Variants in TPCN2 observed in about 807,000 individuals in gnomAD.
TPCN2 encodes the protein two pore channel protein 2.
In TPCN2, 92 loss-of-function variants were observed where a neutral mutation model predicts 111.4. That is an observed-to-expected ratio of 0.83 (90% CI 0.70 to 0.98). The LOEUF (loss-of-function observed/expected upper bound fraction) is 0.98. Among genes scored for constraint, TPCN2 ranks in the 50% least tolerant of loss-of-function variants. The pLI, the probability that TPCN2 is intolerant of heterozygous loss-of-function variation, is 0.00. For missense variants in TPCN2, 995 were observed against 980.1 expected (o/e 1.02, Z -0.20); for synonymous variants, 405 against 414.5 (o/e 0.98, Z 0.28).
At position 69,088,097 on chromosome 11, in the gene TPCN2, A is replaced by G. The variant is rs1275474496; in HGVS notation, c.*144A>G. The G allele has an allele frequency of 1.5e-6, 1 of 678,540 alleles. No individual in the cohort carries two copies. The highest frequency in any genetic ancestry group is 2.4e-6 in the Non-Finnish European group (1 of 409,360). 42.0% of individuals were successfully genotyped at this position (678,540 alleles called of 1,614,324 possible). ...ACGGACCACTAAGCTGGGGACAGGA[A>G]CCAAGTCCTTTGCGTGTGGCCCAAC... On this transcript the variant is annotated 3_prime_UTR_variant, in exon 25 of 25. Coordinates refer to ENST00000294309, the MANE Select transcript of TPCN2 (RefSeq NM_139075.4).
At position 69,081,514 on chromosome 11, in the gene TPCN2, C is replaced by T. The variant is rs1394887386; in HGVS notation, c.1689+15C>T. 8 of 1,528,844 alleles carry T rather than the reference C, an allele frequency of 5.2e-6. No individual in the cohort carries two copies. Among genetic ancestry groups the T allele is most frequent in the Non-Finnish European group, 6.2e-6 (7 of 1,130,978 alleles). The allele number at this position is 1,528,844 out of a possible 1,614,324, so 94.7% of individuals were successfully genotyped here. The stretch of plus-strand genomic sequence containing the variant: ...CCAGCATGAAGGTGTGTGCCGGCCC[C>T]ACCCCCACTCGCCCCACCCTCCTGG... On this transcript the variant is annotated intron_variant, in intron 18 of 24. Transcript: ENST00000294309.
At chr11:69,054,410 T>C (rs112623753) in intron 2 of TPCN2, 5 of 563,838 alleles carry the variant, frequency 8.9e-6, no homozygotes, top group Non-Finnish European at 3.2e-6. Context: ...GGGTCAGCCT[T>C]GCACAGAGAA....
intron 13 of TPCN2, among the ~76,000 whole-genome samples, chr11:69,077,093 A>G (rs111218912): frequency 0.05 from 96 of 1,916 alleles, no homozygotes; most frequent in Non-Finnish European, 0.063. Flanking sequence ...CCCTCCTGCC[A>G]TGTCCCTCCA....
In TPCN2 at chr11:69,067,608, G is replaced by A; in HGVS notation, c.829+3G>A. On this transcript the variant is annotated splice_donor_region_variant and intron_variant, in intron 8 of 24. Coordinates refer to ENST00000294309, the MANE Select transcript of TPCN2 (RefSeq NM_139075.4). Reference sequence around the variant, plus strand: ...GACCACGGCCAACAACCCCGATGGTGCGTGCAGGGCCAGGGAGGGACCGTG... The same window carrying A: ...GACCACGGCCAACAACCCCGATGGTACGTGCAGGGCCAGGGAGGGACCGTG... 2 of 1,613,566 alleles carry A rather than the reference G, an allele frequency of 1.2e-6. No individual in the cohort carries two copies. Among genetic ancestry groups the A allele is most frequent in the Non-Finnish European group, 1.7e-6 (2 of 1,179,928 alleles).
intron 18 of TPCN2, 107 bp downstream of exon 18, chr11:69,081,606 T>TGATGGGCA: frequency 1.4e-6 from 1 of 722,162 alleles, no homozygotes; most frequent in Non-Finnish European, 2.3e-6. Context: ...ACTGTGCCCG[T>TGATGGGCA]CACCCTGGGC....
At chr11:69,056,118 G>C (rs1180962487) in intron 4 of TPCN2, among the ~76,000 whole-genome samples, 1 of 152,228 alleles carries the variant, frequency 6.6e-6, no homozygotes, top group Non-Finnish European at 1.5e-5. Flanking sequence ...CCAGTGCTGC[G>C]GTCTCAGGGG....
intron 5 of TPCN2, among the ~76,000 whole-genome samples, chr11:69,058,753 C>T (rs1250933500): frequency 1.3e-5 from 2 of 152,222 alleles, no homozygotes; most frequent in Non-Finnish European, 2.9e-5. Flanking sequence ...TTCCTGTCTC[C>T]CTGACTCGGC....
Position 69,054,734 on chromosome 11 carries a change from A to G in TPCN2, c.188A>G (p.Asn63Ser). 1 of 1,614,084 alleles carries G rather than the reference A, an allele frequency of 6.2e-7. No homozygotes were observed. The highest frequency in any genetic ancestry group is 8.5e-7 in the Non-Finnish European group (1 of 1,179,982). Reference protein sequence around the residue: ...IEDAIQYRSINHRVDASSMWL... With the variant: ...IEDAIQYRSISHRVDASSMWL... Reference sequence around the variant, plus strand: ...TTTCGCTTGTAGTACCGCTCCATCAACCACCGGGTGGATGCCAGCTCGATG... The same window carrying G: ...TTTCGCTTGTAGTACCGCTCCATCAGCCACCGGGTGGATGCCAGCTCGATG... The change falls in exon 3 of 25, where the codon AAC (asparagine) becomes AGC (serine). Residue 63 changes from asparagine to serine, a missense_variant. Asn to Ser is a conservative substitution (Grantham distance 46). Coordinates refer to ENST00000294309, the MANE Select transcript of TPCN2 (RefSeq NM_139075.4).
At position 69,057,738 on chromosome 11, in the gene TPCN2, C is replaced by A. The variant is rs773041489; in HGVS notation, c.546+44C>A. The A allele has an allele frequency of 1.9e-6, 3 of 1,586,544 alleles. No individual in the cohort carries two copies. The South Asian group carries it at 3.3e-5, about 18-fold the overall frequency. On this transcript the variant is annotated intron_variant, in intron 5 of 24. Coordinates refer to ENST00000294309, the MANE Select transcript of TPCN2 (RefSeq NM_139075.4). ...CTGAGACAGATGGAGAGATCTGGGG[C>A]TGGTGTGGGTGCAAGGCCCACGGGG...
intron 2 of TPCN2, 133 bp from the exon 3 acceptor site, chr11:69,054,588 T>C: frequency 3.6e-6 from 3 of 821,922 alleles, no homozygotes; most frequent in East Asian, 2.7e-5. Flanking sequence ...GGGCTGGCCA[T>C]GTCCACACGC....
chr11:69,065,105 T>G (rs1469976196), intron 7 of TPCN2, among the ~76,000 whole-genome samples: 1 of 151,814 alleles, frequency 6.6e-6, no homozygotes, highest in Non-Finnish European at 1.5e-5. Flanking sequence ...GCGTGCGTGG[T>G]GTCTGTATGG....
In TPCN2 at chr11:69,087,906, C is replaced by T. The variant is rs774256714; in HGVS notation, c.2212C>T (p.Leu738Phe). The part of the protein sequence containing the change: ...DILEEPGEDE[L>F]TERLSQHPHL... ...TCTGGAGGAGCCCGGGGAGGATGAGCTCACAGAGAGGCTGAGCCAGCACCC... is the reference window on the plus strand; with the variant it reads ...TCTGGAGGAGCCCGGGGAGGATGAGTTCACAGAGAGGCTGAGCCAGCACCC... The change falls in exon 25 of 25, where the codon CTC becomes TTC. Residue 738 changes from leucine to phenylalanine, a missense_variant. By Grantham distance (22) the Leu-to-Phe change is conservative. Transcript: ENST00000294309. 6.2e-7 allele frequency: 1 copy of T among 1,612,622 alleles called. No individual in the cohort carries two copies. The highest frequency in any genetic ancestry group is 8.5e-7 in the Non-Finnish European group (1 of 1,179,902).
intron 4 of TPCN2, 124 bp downstream of exon 4, chr11:69,055,476 C>A: frequency 2.8e-6 from 3 of 1,057,846 alleles, no homozygotes; most frequent in Non-Finnish European, 4.0e-6. Flanking sequence ...TACTTTGACC[C>A]GGTGAGCAAG....
Position 69,049,991 on chromosome 11 carries a change from GC to G in TPCN2, c.109+886del, listed in dbSNP as rs559054059. ...GAACCACTCTGAGAATTCACACCTGGCTCCTTCCCTCTCTGGCCTCTCTTTC... is the reference window on the plus strand; with the variant it reads ...GAACCACTCTGAGAATTCACACCTGGTCCTTCCCTCTCTGGCCTCTCTTTC... On this transcript the variant is annotated intron_variant, in intron 1 of 24. Coordinates refer to ENST00000294309, the MANE Select transcript of TPCN2 (RefSeq NM_139075.4). 7.9e-5 allele frequency among the ~76,000 whole-genome samples: 12 copies of G among 152,348 alleles called. No individual in the cohort carries two copies. The South Asian group carries it at 2.1e-3, about 26-fold the overall frequency.
intron 3 of TPCN2, 51 bp from the exon 4 acceptor site, chr11:69,055,124 G>A (rs1438991833): frequency 6.3e-7 from 1 of 1,588,384 alleles, no homozygotes; most frequent in Non-Finnish European, 8.6e-7. Context: ...CAGCCTCTGG[G>A]CCCTGAGGGC....
chr11:69,086,802 T>G (rs1484865007), intron 23 of TPCN2, among the ~76,000 whole-genome samples, 198 bp downstream of exon 23: 2 of 148,506 alleles, frequency 1.3e-5, no homozygotes, highest in African/African-American at 5.2e-5. Flanking sequence ...CCTTGGGGAG[T>G]GCTCCTGACA....
chr11:69,057,022 G>T (rs1284626886), intron 4 of TPCN2, among the ~76,000 whole-genome samples: 1 of 151,738 alleles, frequency 6.6e-6, no homozygotes. Context: ...ATTTTTGGTG[G>T]AGACAGGGTT....
intron 2 of TPCN2, chr11:69,054,444 G>A (rs1011035550): frequency 5.3e-6 from 3 of 563,450 alleles, no homozygotes; most frequent in South Asian, 2.1e-5. Flanking sequence ...AGGCAGACAC[G>A]GGCACAGCTG....
chr11:69,086,709 A>G, intron 23 of TPCN2, 105 bp downstream of exon 23: 1 of 1,113,502 alleles, frequency 9.0e-7, no homozygotes, highest in South Asian at 1.3e-5. Flanking sequence ...CTTTGATGGG[A>G]GAGTCGTGCT....
Sources: gnomAD v4.1 joint callset for allele counts (sites outside exome capture counted in the v4.1 genomes callset) on GRCh38, gnomAD v4.1.1 for gene constraint, MANE v1.5 for transcripts, NCBI Gene and HGNC (gene_info 2026-07-23, HGNC 2026-07-21) for gene names.